ZKSCAN4: variants seen among roughly 807,000 people sequenced by gnomAD.
The protein encoded by ZKSCAN4 is zinc finger with KRAB and SCAN domains 4.
ZKSCAN4 carries 23 observed loss-of-function variants against 30.8 expected under a neutral mutation model. That is an observed-to-expected ratio of 0.75 (90% CI 0.54 to 1.06). The LOEUF (loss-of-function observed/expected upper bound fraction) is 1.06, where lower values mean the gene tolerates loss of function less well. ZKSCAN4 is among the 50% of genes least tolerant of loss of function. The probability of loss-of-function intolerance (pLI) is 0.00; values close to 1 mark genes in which losing one functional copy is unlikely to be tolerated. For synonymous variants in ZKSCAN4, 208 were observed against 252.5 expected (o/e 0.82, Z 1.67); for missense variants, 556 against 665.4 (o/e 0.84, Z 1.81).
At position 28,245,991 on chromosome 6, in the gene ZKSCAN4, G is replaced by A. The variant is rs1485927616; in HGVS notation, c.779-16C>T. The A allele has an allele frequency of 6.2e-7, 1 of 1,614,138 alleles. No homozygotes were observed. Among genetic ancestry groups the A allele is most frequent in the East Asian group, 2.2e-5 (1 of 44,882 alleles). On this transcript the variant is annotated splice_polypyrimidine_tract_variant and intron_variant, in intron 4 of 4. Transcript: ENST00000377294. Reference sequence around the variant, plus strand: ...ATTTCACCACCTGAAACAACAAATGGCCGGCAACTGTGGGTTATGCCCTGC... The same window carrying A: ...ATTTCACCACCTGAAACAACAAATGACCGGCAACTGTGGGTTATGCCCTGC...
In ZKSCAN4 at chr6:28,251,571, T is replaced by C. The variant is rs1357929629; in HGVS notation, c.410A>G (p.Glu137Gly). 6.2e-7 allele frequency: 1 copy of C among 1,614,056 alleles called. No homozygotes were observed. The highest frequency in any genetic ancestry group is 1.3e-5 in the African/African-American group (1 of 74,910). Reference protein sequence around the residue: ...LLEYLERQLDEPAPQVPVGDQ... With the variant: ...LLEYLERQLDGPAPQVPVGDQ... ...TGTTCTTTCTACCTGCGGCGCCGGC[T>C]CATCCAGCTGCCTCTCCAAATACTC... The change falls in exon 1 of 5, where the codon GAG becomes GGG. Residue 137 changes from glutamate (E) to glycine (G), a missense_variant. Glu to Gly is a moderately conservative substitution (Grantham distance 98, BLOSUM62 -2). Coordinates refer to ENST00000377294, the MANE Select transcript of ZKSCAN4 (RefSeq NM_019110.5). This position sits in a 1 kb window ranked among gnomAD's most constrained non-coding sequence, Gnocchi z 4.5.
At chr6:28,259,000 G>A in the ZKSCAN4 span, among the ~76,000 whole-genome samples, 10 of 152,260 alleles carry the variant, frequency 6.6e-5, no homozygotes, top group South Asian at 1.9e-3. Flanking sequence ...AAGTTAAGGA[G>A]GTGGAAATGA....
At chr6:28,250,554 ATAT>A (rs745555829) in intron 1 of ZKSCAN4, among the ~76,000 whole-genome samples, 5 of 152,180 alleles carry the variant, frequency 3.3e-5, no homozygotes, top group Non-Finnish European at 7.3e-5. Flanking sequence ...CTCAATACTA[ATAT>A]ATTTTCTAAT....
rs200408877 is a variant in ZKSCAN4, at chr6:28,251,515, G to A, written c.423+43C>T. The A allele has an allele frequency of 4.7e-4, 758 of 1,614,018 alleles. No individual in the cohort carries two copies. Among genetic ancestry groups the A allele is most frequent in the Non-Finnish European group, 5.9e-4 (699 of 1,180,012 alleles). The stretch of plus-strand genomic sequence containing the variant: ...TCGCTCCGATCTGGGATTTCAGGAG[G>A]AAACAGACCACAGCGCTCAGATACT... On this transcript the variant is annotated intron_variant, in intron 1 of 4. Coordinates refer to ENST00000377294, the MANE Select transcript of ZKSCAN4 (RefSeq NM_019110.5). This position sits in a 1 kb window ranked among gnomAD's most constrained non-coding sequence, Gnocchi z 4.5.
chr6:28,248,039 C>T (rs1760816476), intron 3 of ZKSCAN4, 28 bp downstream of exon 3: 1 of 1,580,016 alleles, frequency 6.3e-7, no homozygotes, highest in Admixed American at 1.8e-5. Flanking sequence ...GTATGGGGCG[C>T]TGGGGAGGGA....
chr6:28,245,448 T>C lies in ZKSCAN4; in HGVS notation c.1306A>G (p.Met436Val). The change falls in exon 5 of 5, where the codon ATG becomes GTG. Residue 436 changes from methionine to valine, a missense_variant. Around this residue, in one of 3 missense-constraint regions of ZKSCAN4, gnomAD observed 433 missense variants for 511.5 expected, o/e 0.85. Transcript: ENST00000377294. ...TTCCGCCTAAAGGCTTTGCCACACA[T>C]ATTGCACTGGTATGGCTTCTCCCCA... ...HTGEKPYQCN[M>V]CGKAFRRNSH... The C allele has an allele frequency of 1.2e-6, 2 of 1,614,206 alleles. No homozygotes were observed. Among genetic ancestry groups the C allele is most frequent in the East Asian group, 2.2e-5 (1 of 44,878 alleles).
At chr6:28,258,744 G>T in the ZKSCAN4 span, among the ~76,000 whole-genome samples, 81 of 145,272 alleles carry the variant, frequency 5.6e-4, no homozygotes, top group Non-Finnish European at 1.0e-3. Flanking sequence ...CCCCAACCTG[G>T]GCGACAGAGT....
At chr6:28,258,576 G>T in the ZKSCAN4 span, among the ~76,000 whole-genome samples, 1 of 147,840 alleles carries the variant, frequency 6.8e-6, no homozygotes, top group Non-Finnish European at 1.5e-5. Context: ...CCAGGAGTTT[G>T]AGACCAGACT....
At chr6:28,248,210 A>G (rs1760826830) in intron 2 of ZKSCAN4, 61 bp from the exon 3 acceptor site, 1 of 1,356,882 alleles carries the variant, frequency 7.4e-7, no homozygotes, top group South Asian at 1.3e-5. Flanking sequence ...CCACCTTGCA[A>G]AATCCAAGTT....
chr6:28,248,189 A>G (rs925364065), intron 2 of ZKSCAN4, 40 bp from the exon 3 acceptor site: 2 of 1,528,232 alleles, frequency 1.3e-6, no homozygotes, highest in Admixed American at 1.8e-5. Flanking sequence ...CTACCCTAGT[A>G]TTCAGCCTCC....
Position 28,243,136 on chromosome 6 carries a change from C to T in ZKSCAN4, c.*1980G>A, listed in dbSNP as rs987364111. Among the ~76,000 whole-genome samples the T allele has an allele frequency of 6.6e-6, 1 of 151,998 alleles. No individual in the cohort carries two copies. Among genetic ancestry groups the T allele is most frequent in the Non-Finnish European group, 1.5e-5 (1 of 67,992 alleles). On this transcript the variant is annotated 3_prime_UTR_variant, in exon 5 of 5. Coordinates refer to ENST00000377294, the MANE Select transcript of ZKSCAN4 (RefSeq NM_019110.5). ...CTTTGTGGAAATAACATAAATAAAG[C>T]TGATTTTAAAGAAATTTGAAAAGGC...
chr6:28,247,039 C>CT lies in ZKSCAN4; in HGVS notation c.707dup (p.Leu237AlafsTer12). 6.2e-7 allele frequency: 1 copy of CT among 1,613,346 alleles called. No individual in the cohort carries two copies. Among genetic ancestry groups the CT allele is most frequent in the Non-Finnish European group, 8.5e-7 (1 of 1,179,690 alleles). ...AGAGGTTCACCTGAGATGAATCCAGCTGTGTCCACCCAGGAGTGAGGGTCA... is the reference window on the plus strand; with the variant it reads ...AGAGGTTCACCTGAGATGAATCCAGCTTGTGTCCACCCAGGAGTGAGGGTCA... On this transcript the variant is annotated frameshift_variant, in exon 4 of 5. Transcript: ENST00000377294. LOFTEE classifies it high-confidence loss of function.
rs1561855890 is a variant in ZKSCAN4 at position 28,245,335 on chromosome 6, C to T, written c.1419G>A (p.Arg473=). 6.2e-7 allele frequency: 1 copy of T among 1,614,206 alleles called. No homozygotes were observed. The highest frequency in any genetic ancestry group is 2.2e-5 in the East Asian group (1 of 44,888). Reference sequence around the variant, plus strand: ...CAGTATTTTCCCACTGGCTTTCCGTCCTACCCTGACTTTCCCAGGACTCCC... The same window carrying T: ...CAGTATTTTCCCACTGGCTTTCCGTTCTACCCTGACTTTCCCAGGACTCCC... ...EHGESWESQG[R]TESQWENTEA... Residue 473 remains arginine (R), a synonymous_variant, in exon 5 of 5, where the codon AGG becomes AGA. Transcript: ENST00000377294.
intron 1 of ZKSCAN4, among the ~76,000 whole-genome samples, chr6:28,250,071 G>GT (rs374027640): frequency 0.044 from 6,086 of 139,500 alleles, 114 homozygotes; most frequent in Non-Finnish European, 0.052. Context: ...TGGTTTTTTT[G>GT]TTTTTTTTTT....
intron 4 of ZKSCAN4, among the ~76,000 whole-genome samples, chr6:28,246,649 C>G (rs182022782): frequency 6.6e-6 from 1 of 152,020 alleles, no homozygotes; most frequent in African/African-American, 2.4e-5. Context: ...CTGAAGAGGC[C>G]CCCCCCTCCC....
Position 28,242,772 on chromosome 6 carries a change from C to A in ZKSCAN4, c.*2344G>T, listed in dbSNP as rs1760542425. ...AAGTGTGTATACACACACACACACA[C>A]ACACACAAATAGAGGCTTTATTTCT... On this transcript the variant is annotated 3_prime_UTR_variant, in exon 5 of 5. Coordinates refer to ENST00000377294, the MANE Select transcript of ZKSCAN4 (RefSeq NM_019110.5). 6.6e-6 allele frequency among the ~76,000 whole-genome samples: 1 copy of A among 152,184 alleles called. No individual in the cohort carries two copies. Among genetic ancestry groups the A allele is most frequent in the Non-Finnish European group, 1.5e-5 (1 of 68,034 alleles).
rs149989907 is a variant in ZKSCAN4 at position 28,242,008 on chromosome 6, CCATT to C, written c.*3104_*3107del. The stretch of plus-strand genomic sequence containing the variant: ...TCATCAAAAGCTTTTTTCATTATAA[CCATT>C]CATTCTATCGAAGTAGAAAAAGTGC... On this transcript the variant is annotated 3_prime_UTR_variant, in exon 5 of 5. Coordinates refer to ENST00000377294, the MANE Select transcript of ZKSCAN4 (RefSeq NM_019110.5). 4.6e-3 allele frequency among the ~76,000 whole-genome samples: 695 copies of C among 152,150 alleles called. 4 individuals carry two copies. The highest frequency in any genetic ancestry group is 0.014 in the Middle Eastern group (4 of 294).
intron 1 of ZKSCAN4, among the ~76,000 whole-genome samples, chr6:28,250,762 C>G (rs1760959250): frequency 6.6e-6 from 1 of 152,182 alleles, no homozygotes; most frequent in Non-Finnish European, 1.5e-5. Context: ...GAATTTCCCA[C>G]ATATTTTATG....
rs751787419 is a variant in ZKSCAN4, at chr6:28,251,849, G to A, written c.132C>T (p.Ser44=). ...GGGAGCGTTCGGGGCCCCGAGCAGG[G>A]CTGCAGGGTGCTCTCACCTCCGCCG... is the stretch of plus-strand genomic sequence containing the variant. ...ALTAEVRAPC[S]PARGPERSRQ... is the part of the protein sequence containing the mutation. The change falls in exon 1 of 5, where the codon AGC becomes AGT. Residue 44 remains serine, a synonymous_variant. Coordinates refer to ENST00000377294, the MANE Select transcript of ZKSCAN4 (RefSeq NM_019110.5). This position sits in a 1 kb window ranked among gnomAD's most constrained non-coding sequence, Gnocchi z 4.5. 5.0e-6 allele frequency: 8 copies of A among 1,597,946 alleles called. No individual in the cohort carries two copies. The highest frequency in any genetic ancestry group is 4.5e-5 in the South Asian group (4 of 89,612).
Sources: gnomAD v4.1 joint callset for allele counts (sites outside exome capture counted in the v4.1 genomes callset) on GRCh38, gnomAD v4.1.1 for gene constraint, gnomAD v4.1.1 regional missense constraint, Gnocchi (gnomAD v3.1) non-coding constraint, MANE v1.5 for transcripts, NCBI Gene and HGNC (gene_info 2026-07-23, HGNC 2026-07-21) for gene names.